ZNF695: variants seen among roughly 807,000 people sequenced by gnomAD.
The protein encoded by ZNF695 is zinc finger protein 695.
In ZNF695, 11 loss-of-function variants were observed where a neutral mutation model predicts 11.2. The observed-to-expected ratio is 0.98, with a 90% CI of 0.62 to 1.62. ZNF695 has a LOEUF of 1.62. ZNF695 is among the 40% of genes most tolerant of loss of function. The probability of loss-of-function intolerance (pLI) is 0.00; values close to 1 mark genes in which losing one functional copy is unlikely to be tolerated. For synonymous variants in ZNF695, 190 were observed against 201.4 expected (o/e 0.94, Z 0.48); for missense variants, 559 against 590.5 (o/e 0.95, Z 0.55).
chr1:246,959,299 A>AAAAT (rs1558304384), intron 5 of ZNF695, among the ~76,000 whole-genome samples: 21 of 67,510 alleles, frequency 3.1e-4, no homozygotes, highest in South Asian at 5.3e-4. Context: ...AAAAAAAAAA[A>AAAAT]AAAAAAAAAA....
intron 3 of ZNF695, among the ~76,000 whole-genome samples, chr1:246,998,214 T>C (rs1181434416): frequency 3.9e-5 from 6 of 152,186 alleles, no homozygotes; most frequent in African/African-American, 1.4e-4. Flanking sequence ...TATATATAAA[T>C]GACACAGACC....
At chr1:246,960,764 A>C (rs1668143554) in intron 5 of ZNF695, among the ~76,000 whole-genome samples, 1 of 151,606 alleles carries the variant, frequency 6.6e-6, no homozygotes, top group Non-Finnish European at 1.5e-5. Flanking sequence ...ACATGGCAAA[A>C]CTCTAGAAAA....
chr1:246,963,289 C>T lies in ZNF695; in HGVS notation c.488+4406G>A, dbSNP rs142404388. ...ATCTAGGTGCTGGGCATCAGTGAAT[C>T]AAACAGACAAAACTGGCCATGTGCA... On this transcript the variant is annotated intron_variant, in intron 5 of 5. Transcript: ENST00000487338. Among the ~76,000 whole-genome samples, 49 of 152,242 alleles carry T rather than the reference C, an allele frequency of 3.2e-4. No individual in the cohort carries two copies. In the East Asian group the frequency reaches 9.1e-3, roughly 28 times the overall value.
At chr1:246,955,985 ATTTTTTT>A (rs74163714) in intron 5 of ZNF695, among the ~76,000 whole-genome samples, 10 of 132,052 alleles carry the variant, frequency 7.6e-5, no homozygotes, top group African/African-American at 1.9e-4. Flanking sequence ...TTTGGATTGG[ATTTTTTT>A]TTTTTTTTTT....
chr1:246,954,042 G>C (rs1389992411), intron 5 of ZNF695, among the ~76,000 whole-genome samples: 4 of 151,206 alleles, frequency 2.6e-5, no homozygotes, highest in Admixed American at 6.6e-5. Context: ...CAGTGCCCTA[G>C]AGGATAGCCA....
rs907765587 is a variant in ZNF695, at chr1:246,985,857, A to C, written c.*1110T>G. ...TCAGGAAGCTTACAATGCAATGTCCATAATCTTCCAAAGAAAAGGATATGA... is the reference window on the plus strand; with the variant it reads ...TCAGGAAGCTTACAATGCAATGTCCCTAATCTTCCAAAGAAAAGGATATGA... On this transcript the variant is annotated 3_prime_UTR_variant, in exon 4 of 4. Coordinates refer to ENST00000339986, the MANE Select transcript of ZNF695 (RefSeq NM_020394.5). 1.2e-5 allele frequency: 12 copies of C among 985,312 alleles called. No homozygotes were observed. The highest frequency in any genetic ancestry group is 1.4e-5 in the Non-Finnish European group (12 of 829,934). 61.0% of individuals were successfully genotyped at this position (985,312 alleles called of 1,614,324 possible). A position where few individuals can be genotyped will look rare whatever the true frequency, so the allele number is the denominator to read the frequency against.
chr1:246,976,751 G>A (rs12085850), intron 4 of ZNF695, among the ~76,000 whole-genome samples: 26,949 of 151,832 alleles, frequency 0.18, 2,489 homozygotes, highest in Middle Eastern at 0.21. Context: ...CTGAGATCGC[G>A]CCACTGCACT....
chr1:246,961,933 C>T (rs1366258409), intron 5 of ZNF695, among the ~76,000 whole-genome samples: 1 of 152,204 alleles, frequency 6.6e-6, no homozygotes, highest in Non-Finnish European at 1.5e-5. Flanking sequence ...TAGAGAGGCA[C>T]CTCAATGGCA....
intron 5 of ZNF695, among the ~76,000 whole-genome samples, chr1:246,952,400 T>C (rs962090628): frequency 8.5e-5 from 13 of 152,224 alleles, no homozygotes; most frequent in African/African-American, 3.1e-4. Context: ...TGCAAGTTGT[T>C]TTCCTCTTTA....
intron 5 of ZNF695, among the ~76,000 whole-genome samples, chr1:246,946,531 C>A (rs932700140): frequency 6.6e-6 from 1 of 152,204 alleles, no homozygotes; most frequent in Non-Finnish European, 1.5e-5. Context: ...GGGTGATGAG[C>A]GAGATGGCAT....
chr1:246,986,651 T>C lies in ZNF695; in HGVS notation c.*316A>G. The C allele has an allele frequency of 9.5e-7, 1 of 1,055,452 alleles. No individual in the cohort carries two copies. Among genetic ancestry groups the C allele is most frequent in the Non-Finnish European group, 1.1e-6 (1 of 875,884 alleles). The allele number at this position is 1,055,452 out of a possible 1,614,324, so 65.4% of individuals were successfully genotyped here. ...TTTTGAACAAATGTTGTTTCTGCATTTATTACATTTGTAGGGTTTCTCTCC... is the reference window on the plus strand; with the variant it reads ...TTTTGAACAAATGTTGTTTCTGCATCTATTACATTTGTAGGGTTTCTCTCC... On this transcript the variant is annotated 3_prime_UTR_variant, in exon 4 of 4. Transcript: ENST00000339986.
At chr1:246,995,965 A>G (rs1220396478) in intron 3 of ZNF695, 10 of 443,080 alleles carry the variant, frequency 2.3e-5, no homozygotes, top group Non-Finnish European at 3.6e-5. Context: ...TTGCATGCCC[A>G]TATTTATTGC....
At chr1:246,949,182 C>T (rs888971971) in intron 5 of ZNF695, among the ~76,000 whole-genome samples, 1 of 152,058 alleles carries the variant, frequency 6.6e-6, no homozygotes, top group Admixed American at 6.6e-5. Context: ...AACAGGAATA[C>T]CATATGATGG....
rs1165345949 is a variant in ZNF695 at position 246,999,928 on chromosome 1, C to A, written c.150G>T (p.Met50Ile). The A allele has an allele frequency of 1.9e-6, 3 of 1,613,966 alleles. No homozygotes were observed. Among genetic ancestry groups the A allele is most frequent in the South Asian group, 1.1e-5 (1 of 91,026 alleles). The change falls in exon 2 of 4, where the codon ATG becomes ATT. Residue 50 changes from methionine to isoleucine, a missense_variant. Physicochemically the swap from Met to Ile is conservative, Grantham distance 10 (BLOSUM62 1). Coordinates refer to ENST00000339986, the MANE Select transcript of ZNF695 (RefSeq NM_020394.5). ...AATCCTTACTGTGAAATAGGAATTGCATATTGAAGCTATCCTCACCAAGGG... is the reference window on the plus strand; with the variant it reads ...AATCCTTACTGTGAAATAGGAATTGAATATTGAAGCTATCCTCACCAAGGG... ...LISLGEDSFN[M>I]QFLFHSLAMS...
rs1668857867 is a variant in ZNF695, at chr1:246,986,667, G to T, written c.*300C>A. On this transcript the variant is annotated 3_prime_UTR_variant, in exon 4 of 4. Coordinates refer to ENST00000339986, the MANE Select transcript of ZNF695 (RefSeq NM_020394.5). ...TTTCTGCATTTATTACATTTGTAGG[G>T]TTTCTCTCCAATACAAAGTCTTTGA... is the stretch of plus-strand genomic sequence containing the variant. 6.4e-6 allele frequency: 7 copies of T among 1,089,470 alleles called. No homozygotes were observed. Among genetic ancestry groups the T allele is most frequent in the Non-Finnish European group, 7.8e-6 (7 of 897,644 alleles). 67.5% of individuals were successfully genotyped at this position (1,089,470 alleles called of 1,614,324 possible). A position where few individuals can be genotyped will look rare whatever the true frequency, so the allele number is the denominator to read the frequency against.
intron 4 of ZNF695, among the ~76,000 whole-genome samples, chr1:246,977,929 TCA>T (rs1388386627): frequency 6.6e-6 from 1 of 152,150 alleles, no homozygotes; most frequent in Non-Finnish European, 1.5e-5. Context: ...GGCAATTGAA[TCA>T]CATTCCAAAC....
intron 4 of ZNF695, among the ~76,000 whole-genome samples, chr1:246,976,728 A>G (rs1407113447): frequency 2.6e-5 from 4 of 152,172 alleles, no homozygotes; most frequent in Admixed American, 6.5e-5. Flanking sequence ...CGGGAGGCAG[A>G]GCTTGCAGTG....
intron 3 of ZNF695, among the ~76,000 whole-genome samples, chr1:246,990,583 A>G (rs1352407568): frequency 1.3e-5 from 2 of 152,212 alleles, no homozygotes; most frequent in Non-Finnish European, 2.9e-5. Flanking sequence ...ATAAAGAAAC[A>G]TCGCACTTAT....
chr1:246,979,793 C>A (rs1207980529), intron 4 of ZNF695: 1 of 152,520 alleles, frequency 6.6e-6, no homozygotes, highest in Non-Finnish European at 1.5e-5. Flanking sequence ...TTTAATCTTT[C>A]TAAAAAAATT....
Sources: gnomAD v4.1 joint callset for allele counts (sites outside exome capture counted in the v4.1 genomes callset) on GRCh38, gnomAD v4.1.1 for gene constraint, MANE v1.5 for transcripts, NCBI Gene and HGNC (gene_info 2026-07-23, HGNC 2026-07-21) for gene names.